NXPE4: variants seen among roughly 807,000 people sequenced by gnomAD.
The protein encoded by NXPE4 is NXPE family member 4.
NXPE4 carries 42 observed loss-of-function variants against 33.3 expected under a neutral mutation model. The ratio of observed to expected loss-of-function variants is 1.26; its 90% CI spans 0.98 to 1.63. The LOEUF (loss-of-function observed/expected upper bound fraction) is 1.63. NXPE4 is among the 40% of genes most tolerant of loss of function. The pLI is 0.00. For synonymous variants in NXPE4, 253 were observed against 234.9 expected, an observed-to-expected ratio of 1.08 and a Z score of -0.71; for missense variants, 709 against 647.6, an observed-to-expected ratio of 1.09 and a Z score of -1.03.
At chr11:114,590,169 G>T (rs568003744) in intron 2 of NXPE4, among the ~76,000 whole-genome samples, 2 of 152,294 alleles carry the variant, frequency 1.3e-5, no homozygotes, top group South Asian at 4.1e-4. Context: ...TCAGGTCAGG[G>T]TCTTGCAATA....
chr11:114,610,192 G>T, the NXPE4 span, among the ~76,000 whole-genome samples: 1 of 151,510 alleles, frequency 6.6e-6, no homozygotes, highest in Non-Finnish European at 1.5e-5. Flanking sequence ...GTATTGCCAC[G>T]TGGGTAGCCA....
chr11:114,625,603 T>A, the NXPE4 span, among the ~76,000 whole-genome samples: 6 of 152,200 alleles, frequency 3.9e-5, no homozygotes, highest in Non-Finnish European at 8.8e-5. Flanking sequence ...ATCTGGTGGA[T>A]AATAAATATT....
At chr11:114,584,057 G>T in intron 2 of NXPE4, 1 of 316,936 alleles carries the variant, frequency 3.2e-6, no homozygotes, top group Non-Finnish European at 6.2e-6. Flanking sequence ...CTTGTCTAGG[G>T]GTCACTTAGA....
chr11:114,616,169 T>G, the NXPE4 span, among the ~76,000 whole-genome samples: 4 of 149,464 alleles, frequency 2.7e-5, no homozygotes, highest in Admixed American at 2.7e-4. Context: ...ATGGTTACCC[T>G]GTGTATGATA....
chr11:114,612,817 C>T, the NXPE4 span, among the ~76,000 whole-genome samples: 1 of 151,924 alleles, frequency 6.6e-6, no homozygotes, highest in Non-Finnish European at 1.5e-5. Context: ...TGGGAAAGCA[C>T]TGTTACCCAG....
chr11:114,662,823 G>A, the NXPE4 span, among the ~76,000 whole-genome samples: 1 of 152,122 alleles, frequency 6.6e-6, no homozygotes, highest in Non-Finnish European at 1.5e-5. Context: ...TGCCTCGAAG[G>A]AAAGGACCCA....
the NXPE4 span, among the ~76,000 whole-genome samples, chr11:114,657,590 G>T: frequency 6.6e-6 from 1 of 151,826 alleles, no homozygotes; most frequent in African/African-American, 2.4e-5. Flanking sequence ...TAATAGGAAG[G>T]ATGTATATTT....
At chr11:114,621,313 A>T in the NXPE4 span, among the ~76,000 whole-genome samples, 1 of 152,086 alleles carries the variant, frequency 6.6e-6, no homozygotes, top group African/African-American at 2.4e-5. Flanking sequence ...CTTTGTGGGT[A>T]TCCACTGTTA....
chr11:114,610,684 T>A, the NXPE4 span, among the ~76,000 whole-genome samples: 2 of 152,066 alleles, frequency 1.3e-5, no homozygotes, highest in Non-Finnish European at 2.9e-5. Context: ...GCCTCGTGGT[T>A]AACCACTGTT....
At chr11:114,625,273 G>A in the NXPE4 span, among the ~76,000 whole-genome samples, 2 of 151,954 alleles carry the variant, frequency 1.3e-5, no homozygotes, top group Non-Finnish European at 2.9e-5. Flanking sequence ...TGGGTAATAC[G>A]AGTTGCCTCA....
chr11:114,631,353 A>G, the NXPE4 span, among the ~76,000 whole-genome samples: 2 of 151,804 alleles, frequency 1.3e-5, no homozygotes, highest in African/African-American at 4.8e-5. Flanking sequence ...ATAAAAAATG[A>G]TGAGTTCATG....
At chr11:114,639,914 AATATTATATTAT>A in the NXPE4 span, among the ~76,000 whole-genome samples, 1 of 116,372 alleles carries the variant, frequency 8.6e-6, no homozygotes, top group Non-Finnish European at 1.6e-5. Flanking sequence ...TATAAAATAT[AATATTATATTAT>A]ATATTATATT....
chr11:114,611,040 AT>A, the NXPE4 span, among the ~76,000 whole-genome samples: 1 of 151,416 alleles, frequency 6.6e-6, no homozygotes, highest in Admixed American at 6.6e-5. Context: ...TACTCTGTGG[AT>A]TATAAGTGTT....
chr11:114,632,711 T>C, the NXPE4 span, among the ~76,000 whole-genome samples: 3 of 73,790 alleles, frequency 4.1e-5, no homozygotes, highest in African/African-American at 5.5e-5. Context: ...TATAATATAA[T>C]ATAATATATA....
At chr11:114,634,993 C>A in the NXPE4 span, among the ~76,000 whole-genome samples, 1 of 151,988 alleles carries the variant, frequency 6.6e-6, no homozygotes, top group Non-Finnish European at 1.5e-5. Context: ...TTTTCCAATT[C>A]TGTGAAGAAA....
chr11:114,676,291 G>A, the NXPE4 span, among the ~76,000 whole-genome samples: 5 of 151,720 alleles, frequency 3.3e-5, no homozygotes, highest in African/African-American at 7.3e-5. Context: ...TGTACTGCAA[G>A]GGAGACAATT....
the NXPE4 span, among the ~76,000 whole-genome samples, chr11:114,633,952 A>T: frequency 2.0e-5 from 3 of 152,030 alleles, no homozygotes; most frequent in Non-Finnish European, 4.4e-5. Flanking sequence ...TAGCAGCATG[A>T]TTTATAGCCC....
At chr11:114,637,128 T>A in the NXPE4 span, among the ~76,000 whole-genome samples, 2 of 151,760 alleles carry the variant, frequency 1.3e-5, no homozygotes, top group Non-Finnish European at 2.9e-5. Context: ...CAGGACTTGC[T>A]TTATGAATCT....
chr11:114,590,967 C>A (rs1949437708), intron 2 of NXPE4, among the ~76,000 whole-genome samples: 1 of 152,144 alleles, frequency 6.6e-6, no homozygotes, highest in African/African-American at 2.4e-5. Context: ...TAAACCCAGC[C>A]ACTTTCCTCC....
Sources: allele counts gnomAD v4.1 joint callset (sites outside exome capture counted in the v4.1 genomes callset), GRCh38; gene constraint gnomAD v4.1.1; transcripts MANE v1.5; gene names NCBI Gene and HGNC (gene_info 2026-07-23, HGNC 2026-07-21).